LPCAT2: variants seen among roughly 807,000 people sequenced by gnomAD.
LPCAT2 encodes the protein 1-AGP acyltransferase 11.
Under a neutral mutation model 64.7 loss-of-function variants are expected in LPCAT2, and 58 were observed. That is an observed-to-expected ratio of 0.90 (90% CI 0.73 to 1.12). LPCAT2 has a LOEUF of 1.12. Among genes scored for constraint, LPCAT2 ranks in the 50% most tolerant of loss-of-function variants. The pLI, the probability that LPCAT2 is intolerant of heterozygous loss-of-function variation, is 0.00. For synonymous variants in LPCAT2, 252 were observed against 245.3 expected (o/e 1.03, Z -0.26); for missense variants, 579 against 669.8 (o/e 0.86, Z 1.50).
rs1963798118 is a variant in LPCAT2, at chr16:55,573,882, T to C, written c.1216-749T>C. Among the ~76,000 whole-genome samples the C allele has an allele frequency of 1.3e-5, 2 of 152,068 alleles. 1 individual carries two copies. The highest frequency in any genetic ancestry group is 1.3e-4 in the Admixed American group (2 of 15,254). On this transcript the variant is annotated intron_variant, in intron 11 of 13. Transcript: ENST00000262134. ...TTTCTCCTAAGCTTTCTTCTCTCCA[T>C]TTTCATCTTCTTAGAGCTCCTGTCT...
rs1963949714 is a variant in LPCAT2, at chr16:55,586,551, T to TA, written c.*3453_*3454insA. On this transcript the variant is annotated 3_prime_UTR_variant, in exon 14 of 14. Transcript: ENST00000262134. ...TTTCAAAGTTTCTTACATTTTCCAA[T>TA]GTCATTAAAATTCTCTGTGAATGTA... is the stretch of plus-strand genomic sequence containing the variant. The TA allele has an allele frequency of 1.6e-5, 2 of 126,930 alleles. No homozygotes were observed. The highest frequency in any genetic ancestry group is 8.7e-5 in the African/African-American group (2 of 23,020). The allele number at this position is 126,930 out of a possible 1,614,324, so 7.9% of individuals were successfully genotyped here. A position where few individuals can be genotyped will look rare whatever the true frequency, so the allele number is the denominator to read the frequency against.
chr16:55,573,441 C>T (rs1963792627), intron 11 of LPCAT2, among the ~76,000 whole-genome samples: 1 of 151,336 alleles, frequency 6.6e-6, no homozygotes, highest in African/African-American at 2.4e-5. Context: ...AATGAGAATA[C>T]ATTGTTACAC....
intron 11 of LPCAT2, among the ~76,000 whole-genome samples, chr16:55,565,099 G>T (rs1360066142): frequency 6.6e-6 from 1 of 151,908 alleles, no homozygotes; most frequent in African/African-American, 2.4e-5. Context: ...ATTAAAAGAT[G>T]CTCAACATCA....
At chr16:55,575,905 G>A (rs971923250) in intron 12 of LPCAT2, among the ~76,000 whole-genome samples, 20 of 152,178 alleles carry the variant, frequency 1.3e-4, no homozygotes, top group Admixed American at 1.3e-3. Context: ...AAAACCTTCA[G>A]CTTTTACAGA....
At chr16:55,562,017 A>G (rs1224404715) in intron 11 of LPCAT2, among the ~76,000 whole-genome samples, 4 of 152,030 alleles carry the variant, frequency 2.6e-5, no homozygotes, top group African/African-American at 7.2e-5. Context: ...CTAGAATTAC[A>G]TAATTTCCAA....
At chr16:55,547,430 G>A (rs1354430902) in intron 9 of LPCAT2, among the ~76,000 whole-genome samples, 1 of 152,186 alleles carries the variant, frequency 6.6e-6, no homozygotes, top group Non-Finnish European at 1.5e-5. Context: ...AAGTAGGAAA[G>A]TATATGATAA....
intron 11 of LPCAT2, chr16:55,567,694 G>C (rs2142414395): frequency 1.6e-6 from 1 of 606,546 alleles, no homozygotes; most frequent in East Asian, 2.9e-5. Flanking sequence ...AAAATGTTCT[G>C]AGTGGTTTGT....
chr16:55,581,480 GTTTA>G (rs1963885894), intron 13 of LPCAT2, among the ~76,000 whole-genome samples: 1 of 152,026 alleles, frequency 6.6e-6, no homozygotes, highest in Non-Finnish European at 1.5e-5. Flanking sequence ...AGACCTGTTT[GTTTA>G]TTTGTTTTTT....
In LPCAT2 at chr16:55,584,697, G is replaced by C. The variant is rs1963925493; in HGVS notation, c.*1599G>C. 6.6e-6 allele frequency: 1 copy of C among 152,110 alleles called. No homozygotes were observed. The highest frequency in any genetic ancestry group is 1.5e-5 in the Non-Finnish European group (1 of 67,996). The allele number at this position is 152,110 out of a possible 1,614,324, so 9.4% of individuals were successfully genotyped here. A position where few individuals can be genotyped will look rare whatever the true frequency, so the allele number is the denominator to read the frequency against. On this transcript the variant is annotated 3_prime_UTR_variant, in exon 14 of 14. Coordinates refer to ENST00000262134, the MANE Select transcript of LPCAT2 (RefSeq NM_017839.5). ...GTTGGGAAGTCTCATGAGAGATGTT[G>C]AAGTATGTATTTAATCAAGAGTCAT...
intron 9 of LPCAT2, among the ~76,000 whole-genome samples, chr16:55,548,762 T>C (rs1283416398): frequency 6.6e-6 from 1 of 152,158 alleles, no homozygotes; most frequent in East Asian, 1.9e-4. Context: ...GATCTGCCTG[T>C]GTTGGGTTCC....
chr16:55,517,661 C>T (rs1963032553), intron 1 of LPCAT2, among the ~76,000 whole-genome samples: 1 of 152,058 alleles, frequency 6.6e-6, no homozygotes, highest in African/African-American at 2.4e-5. Flanking sequence ...TCATATTTAG[C>T]CCAAAAATGT....
intron 1 of LPCAT2, among the ~76,000 whole-genome samples, chr16:55,517,880 C>T (rs1012241995): frequency 2.0e-5 from 3 of 152,098 alleles, no homozygotes; most frequent in Admixed American, 2.0e-4. Context: ...AAAAAGTTTT[C>T]TTCTAAGATA....
rs1421831646 is a variant in LPCAT2 at position 55,545,795 on chromosome 16, A to G, written c.913A>G (p.Lys305Glu). Residue 305 changes from lysine (K) to glutamate (E), a missense_variant, in exon 9 of 14, where the codon AAA (lysine) becomes GAA (glutamate). Physicochemically the swap from Lys to Glu is moderately conservative, Grantham distance 56. Transcript: ENST00000262134. ...AAATGATCCTGTCCTTTTTGCCAATAAAGTCCGGAATTTAATGGCAGAGTA... is the reference window on the plus strand; with the variant it reads ...AAATGATCCTGTCCTTTTTGCCAATGAAGTCCGGAATTTAATGGCAGAGTA... The part of the protein sequence containing the change: ...EKNDPVLFAN[K>E]VRNLMAEALG... The G allele has an allele frequency of 6.2e-7, 1 of 1,611,816 alleles. No individual in the cohort carries two copies. Among genetic ancestry groups the G allele is most frequent in the East Asian group, 2.2e-5 (1 of 44,820 alleles).
In LPCAT2 at chr16:55,584,871, A is replaced by C. The variant is rs1268146882; in HGVS notation, c.*1773A>C. On this transcript the variant is annotated 3_prime_UTR_variant, in exon 14 of 14. Coordinates refer to ENST00000262134, the MANE Select transcript of LPCAT2 (RefSeq NM_017839.5). ...TTAAAGCTATTTAAACAAGGTGTTA[A>C]ATGAGCCAAAACAATTAAGTAATTA... 1 of 152,072 alleles carries C rather than the reference A, an allele frequency of 6.6e-6. No homozygotes were observed. The highest frequency in any genetic ancestry group is 2.4e-5 in the African/African-American group (1 of 41,434). 9.4% of individuals were successfully genotyped at this position (152,072 alleles called of 1,614,324 possible). A position where few individuals can be genotyped will look rare whatever the true frequency, so the allele number is the denominator to read the frequency against.
intron 11 of LPCAT2, among the ~76,000 whole-genome samples, chr16:55,555,419 A>G (rs1963563403): frequency 6.6e-6 from 1 of 152,202 alleles, no homozygotes; most frequent in Non-Finnish European, 1.5e-5. Context: ...TATTTTGTTC[A>G]AAGTTGCCAG....
chr16:55,533,923 A>G (rs1963290236), intron 6 of LPCAT2, among the ~76,000 whole-genome samples: 1 of 152,190 alleles, frequency 6.6e-6, no homozygotes, highest in Non-Finnish European at 1.5e-5. Context: ...ACTATTTAAT[A>G]TTAAGGGTTA....
At chr16:55,525,696 A>G (rs201537072) in intron 2 of LPCAT2, 49 bp downstream of exon 2, 1 of 1,413,856 alleles carries the variant, frequency 7.1e-7, no homozygotes, top group Non-Finnish European at 9.5e-7. Flanking sequence ...TTAAATTAAG[A>G]TATACTAAAT....
intron 11 of LPCAT2, among the ~76,000 whole-genome samples, chr16:55,554,363 G>A (rs1963551418): frequency 6.6e-6 from 1 of 152,232 alleles, no homozygotes; most frequent in Non-Finnish European, 1.5e-5. Flanking sequence ...TTCTCCATTA[G>A]CACTTGCTGC....
chr16:55,549,118 A>G (rs972050513), intron 9 of LPCAT2, among the ~76,000 whole-genome samples, 159 bp from the exon 10 acceptor site: 3 of 152,210 alleles, frequency 2.0e-5, no homozygotes, highest in Admixed American at 1.3e-4. Flanking sequence ...AGAAATGGAG[A>G]AACATGTCTC....
Sources: gnomAD v4.1 joint callset for allele counts (sites outside exome capture counted in the v4.1 genomes callset) on GRCh38, gnomAD v4.1.1 for gene constraint, MANE v1.5 for transcripts, NCBI Gene and HGNC (gene_info 2026-07-23, HGNC 2026-07-21) for gene names.